The following TMEM161B variants were observed in gnomAD, a reference collection of about 807,000 sequenced individuals.
The protein encoded by TMEM161B is transmembrane protein 161B.
In TMEM161B, 34 loss-of-function variants were observed where a neutral mutation model predicts 61.8. That is an observed-to-expected ratio of 0.55 (90% CI 0.42 to 0.73). The LOEUF (loss-of-function observed/expected upper bound fraction) is 0.73, where lower values mean the gene tolerates loss of function less well. Among genes scored for constraint, TMEM161B ranks in the 30% least tolerant of loss-of-function variants. The pLI, the probability that TMEM161B is intolerant of heterozygous loss-of-function variation, is 0.00. For missense variants in TMEM161B, 456 were observed against 558.5 expected, an observed-to-expected ratio of 0.82 and a Z score of 1.85; for synonymous variants, 167 against 192.8, an observed-to-expected ratio of 0.87 and a Z score of 1.11.
rs78543195 is a variant in TMEM161B, at chr5:88,244,520, C to T, written c.4-3604G>A. On this transcript the variant is annotated intron_variant, in intron 1 of 11. Coordinates refer to ENST00000296595, the MANE Select transcript of TMEM161B (RefSeq NM_153354.5). ...GTCTATTTTTGTACCACTACCACAA[C>T]GTTTTGGTTACTATAGCCTTGTGGT... 2.4e-3 allele frequency among the ~76,000 whole-genome samples: 359 copies of T among 149,172 alleles called. 1 individual carries two copies. The East Asian group carries it at 0.028, about 12-fold the overall frequency.
intron 11 of TMEM161B, among the ~76,000 whole-genome samples, chr5:88,197,370 T>C (rs758264564): frequency 2.2e-4 from 33 of 152,176 alleles, no homozygotes; most frequent in Non-Finnish European, 3.4e-4. Flanking sequence ...ATCATCCTCT[T>C]ATAACATGAA....
chr5:88,216,813 G>C (rs1049546676), intron 5 of TMEM161B, among the ~76,000 whole-genome samples: 1 of 152,090 alleles, frequency 6.6e-6, no homozygotes, highest in South Asian at 2.1e-4. Flanking sequence ...ACATAAAAAA[G>C]TCAAAAACCT....
rs562422310 is a variant in TMEM161B at position 88,234,563 on chromosome 5, C to G, written c.108-6035G>C. Among the ~76,000 whole-genome samples the G allele has an allele frequency of 1.8e-3, 273 of 152,250 alleles. 1 individual carries two copies. The highest frequency in any genetic ancestry group is 6.8e-3 in the Middle Eastern group (2 of 292). ...TTGTATTCTGGTCTCAATTTCCAGT[C>G]TTTTCCTTTGGTATTAAGTGGTATG... On this transcript the variant is annotated intron_variant, in intron 2 of 11. Coordinates refer to ENST00000296595, the MANE Select transcript of TMEM161B (RefSeq NM_153354.5).
intron 11 of TMEM161B, among the ~76,000 whole-genome samples, chr5:88,197,196 G>T (rs574003510): frequency 6.6e-6 from 1 of 152,280 alleles, no homozygotes; most frequent in East Asian, 1.9e-4. Flanking sequence ...ACCACATGGG[G>T]ACTTGATAGC....
chr5:88,224,557 A>C (rs890830210), intron 4 of TMEM161B, among the ~76,000 whole-genome samples: 5 of 152,194 alleles, frequency 3.3e-5, no homozygotes, highest in African/African-American at 1.2e-4. Context: ...GTAAATCCTG[A>C]ATAAGTAAAT....
chr5:88,202,641 C>A, intron 9 of TMEM161B: 1 of 244,968 alleles, frequency 4.1e-6, no homozygotes, highest in Non-Finnish European at 7.8e-6. Context: ...AAAATTAAAA[C>A]AAAAGAACTC....
intron 2 of TMEM161B, among the ~76,000 whole-genome samples, chr5:88,231,040 T>A (rs1394494436): frequency 6.6e-6 from 1 of 152,206 alleles, no homozygotes; most frequent in African/African-American, 2.4e-5. Flanking sequence ...AAAAAAACTC[T>A]GGACTTCAAA....
intron 5 of TMEM161B, among the ~76,000 whole-genome samples, chr5:88,208,614 T>C (rs1190937125): frequency 6.6e-6 from 1 of 152,104 alleles, no homozygotes; most frequent in Non-Finnish European, 1.5e-5. Flanking sequence ...TGCACTCCAG[T>C]CTGGGCAACA....
rs982275004 is a variant in TMEM161B, at chr5:88,195,347, T to C, written c.*864A>G. 1 of 756,438 alleles carries C rather than the reference T, an allele frequency of 1.3e-6. No homozygotes were observed. The highest frequency in any genetic ancestry group is 1.9e-5 in the African/African-American group (1 of 52,206). The allele number at this position is 756,438 out of a possible 1,614,324, so 46.9% of individuals were successfully genotyped here. A position where few individuals can be genotyped will look rare whatever the true frequency, so the allele number is the denominator to read the frequency against. ...GATTCAATATTTTCATCTTTTATAATCTCAATATATTATATATTTAATATA... is the reference window on the plus strand; with the variant it reads ...GATTCAATATTTTCATCTTTTATAACCTCAATATATTATATATTTAATATA... On this transcript the variant is annotated 3_prime_UTR_variant, in exon 12 of 12. Coordinates refer to ENST00000296595, the MANE Select transcript of TMEM161B (RefSeq NM_153354.5).
chr5:88,243,635 T>C (rs553396969), intron 1 of TMEM161B, among the ~76,000 whole-genome samples: 15 of 151,930 alleles, frequency 9.9e-5, no homozygotes, highest in African/African-American at 3.1e-4. Context: ...CTGGGTCAAA[T>C]GGTAATCTGT....
At position 88,196,021 on chromosome 5, in the gene TMEM161B, A is replaced by G. The variant is rs1580308047; in HGVS notation, c.*190T>C. On this transcript the variant is annotated 3_prime_UTR_variant, in exon 12 of 12. Transcript: ENST00000296595. Reference sequence around the variant, plus strand: ...GCCACAGTGTAACAGTTAACAATCTATTTTGTAATTTTAAATATTACTACA... The same window carrying G: ...GCCACAGTGTAACAGTTAACAATCTGTTTTGTAATTTTAAATATTACTACA... 1 of 1,377,136 alleles carries G rather than the reference A, an allele frequency of 7.3e-7. No individual in the cohort carries two copies. The highest frequency in any genetic ancestry group is 2.8e-5 in the East Asian group (1 of 36,010). The allele number at this position is 1,377,136 out of a possible 1,614,324, so 85.3% of individuals were successfully genotyped here. A position where few individuals can be genotyped will look rare whatever the true frequency, so the allele number is the denominator to read the frequency against.
At chr5:88,253,478 A>T (rs559153281) in intron 1 of TMEM161B, among the ~76,000 whole-genome samples, 1 of 152,290 alleles carries the variant, frequency 6.6e-6, no homozygotes, top group African/African-American at 2.4e-5. Context: ...TCAGAACAGG[A>T]AAGGAAGAGA....
At chr5:88,260,522 A>G (rs780405) in intron 1 of TMEM161B, among the ~76,000 whole-genome samples, 113,255 of 152,126 alleles carry the variant, frequency 0.74, 42,235 homozygotes, top group South Asian at 0.78. Context: ...CCTGATGACA[A>G]CTCACTGCAA....
downstream of TMEM161B, among the ~76,000 whole-genome samples, chr5:88,193,145 T>C (rs1749133691): frequency 1.3e-5 from 2 of 152,116 alleles, no homozygotes; most frequent in African/African-American, 2.4e-5. Flanking sequence ...TAAGATAAAA[T>C]TATATGCTTT....
In TMEM161B at chr5:88,210,219, C is replaced by T. The variant is rs1746427965; in HGVS notation, c.447-3039G>A. On this transcript the variant is annotated intron_variant, in intron 5 of 11. Transcript: ENST00000296595. ...TTTTGAAAAGCAAAGATTAAGTCTT[C>T]CTAGTTCTCAGCAACAACTTAATGT... Among the ~76,000 whole-genome samples, 4 of 152,138 alleles carry T rather than the reference C, an allele frequency of 2.6e-5. No individual in the cohort carries two copies. The South Asian group carries it at 8.3e-4, about 32-fold the overall frequency.
At position 88,248,283 on chromosome 5, in the gene TMEM161B, G is replaced by A. The variant is rs537188446; in HGVS notation, c.4-7367C>T. Among the ~76,000 whole-genome samples, 240 of 152,172 alleles carry A rather than the reference G, an allele frequency of 1.6e-3. 1 individual carries two copies. Among genetic ancestry groups the A allele is most frequent in the Middle Eastern group, 6.8e-3 (2 of 294 alleles). On this transcript the variant is annotated intron_variant, in intron 1 of 11. Coordinates refer to ENST00000296595, the MANE Select transcript of TMEM161B (RefSeq NM_153354.5). ...TCCCACAGGAGTCTTACTTCTCAGC[G>A]GGAGGTAGGATGTTTCCATACCTTC...
At position 88,225,886 on chromosome 5, in the gene TMEM161B, G is replaced by A. The variant is rs374806762; in HGVS notation, c.192-20C>T. ...TATTTCCTATAAAAATCAGACAAGT[G>A]ACACAAAAAACAAGTTACCTACACT... On this transcript the variant is annotated intron_variant, in intron 3 of 11. Transcript: ENST00000296595. The A allele has an allele frequency of 6.5e-6, 10 of 1,533,262 alleles. No individual in the cohort carries two copies. The highest frequency in any genetic ancestry group is 1.8e-5 in the Admixed American group (1 of 54,292). The allele number at this position is 1,533,262 out of a possible 1,614,324, so 95.0% of individuals were successfully genotyped here.
At chr5:88,263,161 T>A (rs925256062) in intron 1 of TMEM161B, among the ~76,000 whole-genome samples, 1 of 152,154 alleles carries the variant, frequency 6.6e-6, no homozygotes, top group African/African-American at 2.4e-5. Context: ...GCACGTGGGC[T>A]GAATATCTAT....
chr5:88,254,546 G>A (rs1170203407), intron 1 of TMEM161B, among the ~76,000 whole-genome samples: 1 of 152,104 alleles, frequency 6.6e-6, no homozygotes, highest in Admixed American at 6.6e-5. Context: ...TCAGAAAAAT[G>A]ATTGATTTAG....
Sources: allele counts gnomAD v4.1 joint callset (sites outside exome capture counted in the v4.1 genomes callset), GRCh38; gene constraint gnomAD v4.1.1; transcripts MANE v1.5; gene names NCBI Gene and HGNC (gene_info 2026-07-23, HGNC 2026-07-21).